The following DGKH variants were observed in gnomAD, a reference collection of about 807,000 sequenced individuals.
DGKH encodes DAG kinase eta.
In DGKH, 90 loss-of-function variants were observed where a neutral mutation model predicts 159.3. That is an observed-to-expected ratio of 0.57 (90% CI 0.48 to 0.67). The LOEUF is 0.67. Ranked by LOEUF, DGKH falls within the 30% of genes least tolerant of loss-of-function variation. DGKH has a pLI of 0.00. For missense variants in DGKH, 1,181 were observed against 1,506.1 expected, an observed-to-expected ratio of 0.78 and a Z score of 3.57; for synonymous variants, 536 against 553.8, an observed-to-expected ratio of 0.97 and a Z score of 0.45.
intron 21 of DGKH, among the ~76,000 whole-genome samples, chr13:42,207,353 C>T (rs998617845): frequency 6.6e-6 from 1 of 151,382 alleles, no homozygotes; most frequent in Middle Eastern, 3.4e-3. Flanking sequence ...CCACACCTGG[C>T]TAATTTTTGC....
upstream of DGKH, among the ~76,000 whole-genome samples, chr13:42,045,378 A>G (rs1367354077): frequency 6.6e-6 from 1 of 152,224 alleles, no homozygotes; most frequent in Non-Finnish European, 1.5e-5. Context: ...TGATAAAACT[A>G]TCCAGGTCGA....
intron 29 of DGKH, among the ~76,000 whole-genome samples, chr13:42,226,776 G>A (rs1269754388): frequency 1.3e-5 from 2 of 151,442 alleles, no homozygotes; most frequent in Non-Finnish European, 2.9e-5. Flanking sequence ...AGAATCGTTT[G>A]AACCTGGGAA....
chr13:42,205,934 C>G, intron 20 of DGKH, 105 bp from the exon 21 acceptor site: 1 of 539,508 alleles, frequency 1.9e-6, no homozygotes, highest in Non-Finnish European at 2.9e-6. Flanking sequence ...TACGAACACA[C>G]TGTGCTCCAT....
In DGKH at chr13:42,231,031, T is replaced by A. The variant is rs1276854381; in HGVS notation, c.*1843T>A. ...TACCTAAGTTGTAAATAAATGGAAA[T>A]TTTCCAAAGACAGTTATATCAAGTA... On this transcript the variant is annotated 3_prime_UTR_variant, in exon 30 of 30. Coordinates refer to ENST00000337343, the MANE Select transcript of DGKH (RefSeq NM_178009.5). The A allele has an allele frequency of 2.0e-5, 3 of 152,066 alleles. No individual in the cohort carries two copies. Among genetic ancestry groups the A allele is most frequent in the African/African-American group, 7.2e-5 (3 of 41,394 alleles). 9.4% of individuals were successfully genotyped at this position (152,066 alleles called of 1,614,324 possible).
intron 1 of DGKH, among the ~76,000 whole-genome samples, chr13:42,042,199 C>G (rs992575402): frequency 6.6e-6 from 1 of 152,176 alleles, no homozygotes; most frequent in Admixed American, 6.5e-5. Flanking sequence ...ATTAAAAATA[C>G]AATCCAGTTT....
intron 1 of DGKH, among the ~76,000 whole-genome samples, chr13:42,100,712 G>T (rs976566428): frequency 1.2e-4 from 19 of 152,124 alleles, no homozygotes; most frequent in African/African-American, 4.3e-4. Context: ...AGAATCTACT[G>T]CTGAAATTAT....
chr13:42,165,088 A>G (rs1465912802), intron 7 of DGKH, among the ~76,000 whole-genome samples: 3 of 151,748 alleles, frequency 2.0e-5, no homozygotes, highest in African/African-American at 7.3e-5. Context: ...ACAGTTATTC[A>G]TTAACTATAT....
chr13:42,188,969 C>A, intron 14 of DGKH, 67 bp from the exon 15 acceptor site: 1 of 1,536,022 alleles, frequency 6.5e-7, no homozygotes, highest in Non-Finnish European at 8.8e-7. Context: ...ATAAAAATTT[C>A]TTGTACTTTG....
chr13:42,179,773 C>T (rs1349816150), intron 13 of DGKH, among the ~76,000 whole-genome samples: 7 of 103,514 alleles, frequency 6.8e-5, no homozygotes, highest in African/African-American at 2.5e-4. Flanking sequence ...AGAGTGAGAT[C>T]TTGTCTCAAA....
At chr13:42,052,103 A>C (rs991629234) in intron 1 of DGKH, among the ~76,000 whole-genome samples, 1 of 152,202 alleles carries the variant, frequency 6.6e-6, no homozygotes, top group Non-Finnish European at 1.5e-5. Flanking sequence ...GCAGAAGTAA[A>C]TATGGGTTGT....
chr13:42,210,597 A>G lies in DGKH; in HGVS notation c.2851-5A>G. 6.2e-7 allele frequency: 1 copy of G among 1,610,916 alleles called. No individual in the cohort carries two copies. Among genetic ancestry groups the G allele is most frequent in the Non-Finnish European group, 8.5e-7 (1 of 1,179,388 alleles). ...ACAATTCGTTACAATATTGACTTTAAATAGGCCTTTGAGAGCACTCTGAAA... is the reference window on the plus strand; with the variant it reads ...ACAATTCGTTACAATATTGACTTTAGATAGGCCTTTGAGAGCACTCTGAAA... On this transcript the variant is annotated splice_region_variant and splice_polypyrimidine_tract_variant and intron_variant, in intron 23 of 29. Coordinates refer to ENST00000337343, the MANE Select transcript of DGKH (RefSeq NM_178009.5).
intron 16 of DGKH, among the ~76,000 whole-genome samples, chr13:42,192,719 G>T (rs1239691296): frequency 6.6e-6 from 1 of 151,916 alleles, no homozygotes; most frequent in Non-Finnish European, 1.5e-5. Context: ...GGTGGGATCA[G>T]ATCTTCTCTC....
chr13:42,067,587 C>T (rs987914687), intron 1 of DGKH, among the ~76,000 whole-genome samples: 5 of 152,106 alleles, frequency 3.3e-5, no homozygotes, highest in Admixed American at 2.6e-4. Flanking sequence ...ATTGTGTGTG[C>T]TAACGCCAAC....
At chr13:42,202,112 T>A (rs1325783060) in intron 20 of DGKH, among the ~76,000 whole-genome samples, 1 of 152,154 alleles carries the variant, frequency 6.6e-6, no homozygotes, top group African/African-American at 2.4e-5. Context: ...TAGATGTATA[T>A]GTTAAATGAT....
intron 1 of DGKH, among the ~76,000 whole-genome samples, chr13:42,086,489 C>G (rs570346867): frequency 6.6e-6 from 1 of 152,298 alleles, no homozygotes; most frequent in South Asian, 2.1e-4. Context: ...GAAAAAATTA[C>G]TCTAACATAT....
chr13:42,085,496 A>G (rs568901728), intron 1 of DGKH, among the ~76,000 whole-genome samples: 1 of 152,342 alleles, frequency 6.6e-6, no homozygotes, highest in Non-Finnish European at 1.5e-5. Context: ...CATTCTCAAA[A>G]TATGAGCAAT....
intron 17 of DGKH, among the ~76,000 whole-genome samples, chr13:42,197,267 A>AAAAAAAAAAAAAG (rs922365530): frequency 3.0e-5 from 4 of 135,322 alleles, no homozygotes; most frequent in Non-Finnish European, 3.2e-5. Context: ...AAAAAAAAAA[A>AAAAAAAAAAAAAG]AAAGAAAGAA....
intron 1 of DGKH, among the ~76,000 whole-genome samples, chr13:42,063,926 C>CAA (rs1882368403): frequency 1.8e-5 from 2 of 113,878 alleles, no homozygotes; most frequent in African/African-American, 6.2e-5. Flanking sequence ...GCAACAAGAG[C>CAA]AAAACTCCGT....
At chr13:42,063,245 C>T (rs986513405) in intron 1 of DGKH, among the ~76,000 whole-genome samples, 6 of 151,916 alleles carry the variant, frequency 3.9e-5, no homozygotes, top group Admixed American at 3.3e-4. Context: ...GAAAGAACAG[C>T]AAATGCAAAG....
Sources: allele counts gnomAD v4.1 joint callset (sites outside exome capture counted in the v4.1 genomes callset), GRCh38; gene constraint gnomAD v4.1.1; transcripts MANE v1.5; gene names NCBI Gene and HGNC (gene_info 2026-07-23, HGNC 2026-07-21).